Variants in INSR observed in about 807,000 individuals in gnomAD.
INSR encodes insulin receptor.
A neutral mutation model predicts 142.6 loss-of-function variants in INSR; 67 were observed. The observed-to-expected ratio is 0.47, with a 90% CI of 0.39 to 0.58. INSR has a LOEUF of 0.58. INSR is among the 20% of genes least tolerant of loss of function. The pLI is 0.00. For missense variants in INSR, 1,248 were observed against 1,833.2 expected (o/e 0.68, Z 5.83); for synonymous variants, 756 against 743.1 (o/e 1.02, Z -0.28).
At chr19:7,232,283 C>T (rs10403764) in intron 2 of INSR, among the ~76,000 whole-genome samples, 4 of 151,794 alleles carry the variant, frequency 2.6e-5, no homozygotes, top group African/African-American at 4.8e-5. Flanking sequence ...CTGATCTTGG[C>T]TCACTGCAAC....
chr19:7,207,332 G>A (rs1415946775), intron 2 of INSR, among the ~76,000 whole-genome samples: 2 of 152,118 alleles, frequency 1.3e-5, no homozygotes, highest in East Asian at 1.9e-4. Context: ...CAGGAGAATC[G>A]CTTGAACCCG....
Position 7,290,165 on chromosome 19 carries a change from G to A in INSR, c.100+3627C>T, listed in dbSNP as rs563389181. Among the ~76,000 whole-genome samples the A allele has an allele frequency of 2.6e-5, 4 of 152,308 alleles. No homozygotes were observed. In the East Asian group the frequency reaches 7.7e-4, roughly 29 times the overall value. Reference sequence around the variant, plus strand: ...CATGCCTGTGATCCCAGCACTTCGGGAGGCCAAGGCAGGCAGATCGCTTGA... The same window carrying A: ...CATGCCTGTGATCCCAGCACTTCGGAAGGCCAAGGCAGGCAGATCGCTTGA... On this transcript the variant is annotated intron_variant, in intron 1 of 21. Transcript: ENST00000302850.
intron 10 of INSR, among the ~76,000 whole-genome samples, chr19:7,151,158 CTTTCTCTTTCTTTCTT>C (rs1239336870): frequency 7.0e-4 from 5 of 7,154 alleles, no homozygotes; most frequent in African/African-American, 9.9e-4. Flanking sequence ...TCCTTTCTTT[CTTTCTCTTTCTTTCTT>C]TCTTTCTTTC....
At chr19:7,276,279 G>A (rs990649862) in intron 1 of INSR, among the ~76,000 whole-genome samples, 7 of 151,818 alleles carry the variant, frequency 4.6e-5, no homozygotes, top group Non-Finnish European at 1.0e-4. Context: ...CCAAGTAGCT[G>A]GGACTACAGC....
At chr19:7,124,020 G>C (rs991507315) in intron 17 of INSR, among the ~76,000 whole-genome samples, 77 of 152,176 alleles carry the variant, frequency 5.1e-4, no homozygotes, top group African/African-American at 1.8e-3. Context: ...AGGAGATCGA[G>C]ACCATCCTGG....
intron 6 of INSR, among the ~76,000 whole-genome samples, chr19:7,169,572 G>GT: frequency 1.1e-5 from 1 of 89,420 alleles, no homozygotes; most frequent in South Asian, 3.8e-4. Context: ...GCAAGACTCT[G>GT]TCCCAAAAAA....
intron 2 of INSR, among the ~76,000 whole-genome samples, chr19:7,222,682 G>A (rs1003786321): frequency 6.6e-5 from 10 of 151,572 alleles, no homozygotes; most frequent in Non-Finnish European, 5.9e-5. Flanking sequence ...CATGAGCCAC[G>A]GTGTCCAGCC....
intron 3 of INSR, among the ~76,000 whole-genome samples, chr19:7,180,811 G>A (rs7256994): frequency 0.41 from 61,967 of 151,916 alleles, 13,519 homozygotes; most frequent in African/African-American, 0.57. Context: ...ACCACGGCCA[G>A]GGGGCACCGG....
At chr19:7,172,982 G>A (rs1252356156) in intron 4 of INSR, among the ~76,000 whole-genome samples, 2 of 152,008 alleles carry the variant, frequency 1.3e-5, no homozygotes, top group Non-Finnish European at 1.5e-5. Context: ...AAGTTTTATT[G>A]GAACAAAGCC....
intron 3 of INSR, among the ~76,000 whole-genome samples, chr19:7,177,097 C>T (rs1038788017): frequency 2.0e-5 from 3 of 152,160 alleles, no homozygotes; most frequent in Admixed American, 2.0e-4. Context: ...CTTTGGGAAC[C>T]AGTCCTCCCC....
intron 2 of INSR, among the ~76,000 whole-genome samples, chr19:7,229,908 A>G (rs1392256193): frequency 2.0e-5 from 3 of 151,696 alleles, no homozygotes; most frequent in Non-Finnish European, 4.4e-5. Flanking sequence ...TGAGACCACA[A>G]GTCAGTGCCA....
Position 7,116,993 on chromosome 19 carries a change from G to T in INSR, c.*63C>A. 1 of 1,248,384 alleles carries T rather than the reference G, an allele frequency of 8.0e-7. No homozygotes were observed. Among genetic ancestry groups the T allele is most frequent in the South Asian group, 1.2e-5 (1 of 83,642 alleles). 77.3% of individuals were successfully genotyped at this position (1,248,384 alleles called of 1,614,324 possible). ...CGTGAGAATCCTGAGTTTTCCAGAGGCTTTCAAACCAGAGGAAAGCGAAAA... is the reference window on the plus strand; with the variant it reads ...CGTGAGAATCCTGAGTTTTCCAGAGTCTTTCAAACCAGAGGAAAGCGAAAA... On this transcript the variant is annotated 3_prime_UTR_variant, in exon 22 of 22. Coordinates refer to ENST00000302850, the MANE Select transcript of INSR (RefSeq NM_000208.4).
chr19:7,158,091 T>C (rs1366177263), intron 9 of INSR, among the ~76,000 whole-genome samples: 2 of 142,562 alleles, frequency 1.4e-5, no homozygotes, highest in African/African-American at 5.1e-5. Flanking sequence ...TTATTATTAT[T>C]TGGAGAGGAA....
At chr19:7,124,084 C>G (rs36047075) in intron 17 of INSR, among the ~76,000 whole-genome samples, 18,661 of 151,548 alleles carry the variant, frequency 0.12, 1,165 homozygotes, top group Middle Eastern at 0.15. Context: ...TAGCCAGGCA[C>G]TGGGCGTGGT....
At chr19:7,229,219 AATAG>A (rs1193336437) in intron 2 of INSR, among the ~76,000 whole-genome samples, 4 of 45,856 alleles carry the variant, frequency 8.7e-5, no homozygotes, top group African/African-American at 4.2e-4. Context: ...ATGGATGGAT[AATAG>A]ATGGTGGGTG....
In INSR at chr19:7,292,478, G is replaced by GC. The variant is rs1361686291; in HGVS notation, c.100+1313_100+1314insG. ...GCACCTGGGGGCGGGGCTGGGGGGG[G>GC]GTGGGCCCGGGGCTTTTAGACATTA... On this transcript the variant is annotated intron_variant, in intron 1 of 21. Transcript: ENST00000302850. 2.7e-5 allele frequency among the ~76,000 whole-genome samples: 4 copies of GC among 149,092 alleles called. No individual in the cohort carries two copies. The East Asian group carries it at 8.3e-4, about 31-fold the overall frequency.
chr19:7,161,422 T>A (rs61437416), intron 9 of INSR, among the ~76,000 whole-genome samples: 48,014 of 151,618 alleles, frequency 0.32, 7,889 homozygotes, highest in South Asian at 0.48. Context: ...ACCATTTTTT[T>A]AAATTTTTTT....
chr19:7,186,337 C>T (rs1234061194), intron 2 of INSR, among the ~76,000 whole-genome samples: 3 of 152,166 alleles, frequency 2.0e-5, no homozygotes, highest in African/African-American at 7.2e-5. Context: ...AAGCTACATC[C>T]ATATATGAAC....
At chr19:7,180,997 G>A (rs1974261413) in intron 3 of INSR, among the ~76,000 whole-genome samples, 2 of 152,050 alleles carry the variant, frequency 1.3e-5, no homozygotes, top group South Asian at 4.2e-4. Flanking sequence ...CTGCAGTGCA[G>A]TGGCACACTC....
Sources: gnomAD v4.1 joint callset for allele counts (sites outside exome capture counted in the v4.1 genomes callset) on GRCh38, gnomAD v4.1.1 for gene constraint, MANE v1.5 for transcripts, NCBI Gene and HGNC (gene_info 2026-07-23, HGNC 2026-07-21) for gene names.